Variants in MCM9 observed in about 807,000 individuals in gnomAD.
The protein encoded by MCM9 is minichromosome maintenance 9 homologous recombination repair factor, also known as DNA helicase MCM9.
Under a neutral mutation model 72.8 loss-of-function variants are expected in MCM9, and 55 were observed. That is an observed-to-expected ratio of 0.76 (90% CI 0.61 to 0.95). The LOEUF is 0.95. MCM9 is among the 40% of genes least tolerant of loss of function. The pLI, the probability that MCM9 is intolerant of heterozygous loss-of-function variation, is 0.00. For synonymous variants in MCM9, 480 were observed against 503.4 expected (o/e 0.95, Z 0.62); for missense variants, 1,279 against 1,377.0 (o/e 0.93, Z 1.13).
At chr6:118,901,475 T>A (rs1779795374) in intron 8 of MCM9, among the ~76,000 whole-genome samples, 1 of 152,206 alleles carries the variant, frequency 6.6e-6, no homozygotes, top group African/African-American at 2.4e-5. Context: ...AGAGGACTAC[T>A]TTTGCAAATT....
chr6:118,882,111 C>A (rs148821224), intron 8 of MCM9, among the ~76,000 whole-genome samples: 2 of 152,210 alleles, frequency 1.3e-5, no homozygotes, highest in East Asian at 3.9e-4. Context: ...GAGGATCTAC[C>A]CTAGGTGTGA....
intron 1 of MCM9, among the ~76,000 whole-genome samples, chr6:118,934,167 T>C (rs1003446100): frequency 6.6e-6 from 1 of 152,214 alleles, no homozygotes. Flanking sequence ...AGCATTTCTA[T>C]GGTTATATGG....
chr6:118,833,244 T>C (rs903056356), intron 9 of MCM9, among the ~76,000 whole-genome samples: 6 of 152,054 alleles, frequency 3.9e-5, no homozygotes, highest in African/African-American at 1.4e-4. Context: ...AGGAAAAAAC[T>C]GACCAATCTT....
At chr6:118,891,872 G>A (rs550115288) in intron 8 of MCM9, among the ~76,000 whole-genome samples, 32 of 152,256 alleles carry the variant, frequency 2.1e-4, no homozygotes, top group African/African-American at 7.7e-4. Flanking sequence ...AAGTGATTGG[G>A]GGATTACATT....
rs1583675079 is a variant in MCM9 at position 118,921,812 on chromosome 6, G to A, written c.703+193C>T. The A allele has an allele frequency of 4.8e-5, 22 of 457,572 alleles. No individual in the cohort carries two copies. The East Asian group carries it at 7.8e-4, about 16-fold the overall frequency. The allele number at this position is 457,572 out of a possible 1,614,324, so 28.3% of individuals were successfully genotyped here. On this transcript the variant is annotated intron_variant, in intron 5 of 13. Transcript: ENST00000619706. ...ATTCATAAAACAAGCACCTGGACTA[G>A]CTGCTGTTGTATAGATCTAGCCCAG...
chr6:118,896,569 C>G (rs1038916311), intron 8 of MCM9, among the ~76,000 whole-genome samples: 18 of 152,124 alleles, frequency 1.2e-4, no homozygotes, highest in African/African-American at 4.3e-4. Context: ...ATTTACAGTA[C>G]TGGTGTCAAA....
intron 11 of MCM9, 99 bp from the exon 12 acceptor site, chr6:118,826,963 C>T (rs2114545046): frequency 1.1e-6 from 1 of 878,610 alleles, no homozygotes. Context: ...TATGAATGAG[C>T]TATTAATAAC....
chr6:118,834,246 T>C (rs999650488), intron 9 of MCM9, among the ~76,000 whole-genome samples: 26 of 152,220 alleles, frequency 1.7e-4, no homozygotes, highest in Non-Finnish European at 2.6e-4. Flanking sequence ...ACATTTTCTT[T>C]ATCCAGTCTA....
intron 9 of MCM9, among the ~76,000 whole-genome samples, chr6:118,850,218 T>C (rs572760316): frequency 6.6e-6 from 1 of 151,282 alleles, no homozygotes; most frequent in East Asian, 1.9e-4. Flanking sequence ...CAGTGGTATA[T>C]CTAAGCACAA....
chr6:118,916,670 T>G (rs1052055400), intron 6 of MCM9, among the ~76,000 whole-genome samples: 2 of 151,420 alleles, frequency 1.3e-5, no homozygotes, highest in Non-Finnish European at 2.9e-5. Flanking sequence ...CCTGGCTAAT[T>G]TTTGTATTTT....
In MCM9 at chr6:118,844,195, T is replaced by C. The variant is rs138378577; in HGVS notation, c.1325+12176A>G. Among the ~76,000 whole-genome samples the C allele has an allele frequency of 1.8e-3, 281 of 152,006 alleles. 6 individuals are homozygous for C. The highest frequency in any genetic ancestry group is 0.01 in the Middle Eastern group (3 of 294). On this transcript the variant is annotated intron_variant, in intron 9 of 13. Coordinates refer to ENST00000619706, the MANE Select transcript of MCM9 (RefSeq NM_017696.3). Reference sequence around the variant, plus strand: ...GAGACATTTTCTCAAGAGTTTTGCATTTGGCAGTTAACTGTACACTTTGCA... The same window carrying C: ...GAGACATTTTCTCAAGAGTTTTGCACTTGGCAGTTAACTGTACACTTTGCA...
chr6:118,883,918 G>T lies in MCM9; in HGVS notation c.1151-27373C>A, dbSNP rs1305632210. Among the ~76,000 whole-genome samples the T allele has an allele frequency of 3.9e-5, 6 of 152,266 alleles. No homozygotes were observed. In the East Asian group the frequency reaches 1.2e-3, roughly 29 times the overall value. On this transcript the variant is annotated intron_variant, in intron 8 of 13. Coordinates refer to ENST00000619706, the MANE Select transcript of MCM9 (RefSeq NM_017696.3). ...AATGAGCACTGGCAAAGGTAATTAT[G>T]TAACTAGAAAAAACAGTTTAGAGAC...
chr6:118,931,519 A>G lies in MCM9; in HGVS notation c.205T>C (p.Phe69Leu). ...NMFPSEVLTI[F>L]DSALRRSALT... The stretch of plus-strand genomic sequence containing the variant: ...GCTGACCTTCGCAGTGCACTATCAA[A>G]AATTGTAAGCACTTCACTGGGGAAC... Residue 69 changes from phenylalanine (F) to leucine (L), a missense_variant, in exon 3 of 14, where the codon TTT (phenylalanine) becomes CTT (leucine). Physicochemically the swap from Phe to Leu is conservative, Grantham distance 22 (BLOSUM62 0). Coordinates refer to ENST00000619706, the MANE Select transcript of MCM9 (RefSeq NM_017696.3). 6.2e-7 allele frequency: 1 copy of G among 1,614,168 alleles called. No individual in the cohort carries two copies. The highest frequency in any genetic ancestry group is 8.5e-7 in the Non-Finnish European group (1 of 1,180,030).
intron 3 of MCM9, among the ~76,000 whole-genome samples, chr6:118,927,606 CAAA>C (rs559044707): frequency 8.0e-6 from 1 of 125,138 alleles, no homozygotes; most frequent in African/African-American, 3.0e-5. Flanking sequence ...ACTCTTGTCT[CAAA>C]AAAAAAAAAG....
chr6:118,929,877 A>C (rs183135351), intron 3 of MCM9, among the ~76,000 whole-genome samples: 25 of 152,232 alleles, frequency 1.6e-4, no homozygotes, highest in Admixed American at 1.6e-3. Context: ...TAGTACCCTG[A>C]TGCATAATGA....
chr6:118,823,407 C>T (rs537811393), intron 13 of MCM9, among the ~76,000 whole-genome samples: 2 of 152,298 alleles, frequency 1.3e-5, no homozygotes, highest in South Asian at 4.1e-4. Context: ...TTCTGCTCAC[C>T]TTCTGTGGGC....
At chr6:118,829,631 G>A in intron 9 of MCM9, among the ~76,000 whole-genome samples, 1 of 152,198 alleles carries the variant, frequency 6.6e-6, no homozygotes, top group Non-Finnish European at 1.5e-5. Flanking sequence ...GGGAAATAGG[G>A]ATGATGTATA....
intron 8 of MCM9, among the ~76,000 whole-genome samples, chr6:118,874,121 G>T (rs1416896994): frequency 1.3e-5 from 2 of 152,066 alleles, no homozygotes; most frequent in Non-Finnish European, 2.9e-5. Flanking sequence ...TGGGCATGGT[G>T]GTGCATGCCT....
rs552548043 is a variant in MCM9, at chr6:118,868,126, C to T, written c.1151-11581G>A. 1.4e-4 allele frequency among the ~76,000 whole-genome samples: 21 copies of T among 152,182 alleles called. No individual in the cohort carries two copies. In the South Asian group the frequency reaches 2.3e-3, roughly 17 times the overall value. Reference sequence around the variant, plus strand: ...TCCTGACCTTGTGATCCACCCACCTCGGCCTCCCAAAGTGCTGGGATTACA... The same window carrying T: ...TCCTGACCTTGTGATCCACCCACCTTGGCCTCCCAAAGTGCTGGGATTACA... On this transcript the variant is annotated intron_variant, in intron 8 of 13. Coordinates refer to ENST00000619706, the MANE Select transcript of MCM9 (RefSeq NM_017696.3).
Sources: gnomAD v4.1 joint callset for allele counts (sites outside exome capture counted in the v4.1 genomes callset) on GRCh38, gnomAD v4.1.1 for gene constraint, MANE v1.5 for transcripts, NCBI Gene and HGNC (gene_info 2026-07-23, HGNC 2026-07-21) for gene names.